The following HFM1 variants were observed in gnomAD, a reference collection of about 807,000 sequenced individuals.
HFM1 encodes probable ATP-dependent DNA helicase HFM1.
HFM1 carries 169 observed loss-of-function variants against 192.1 expected under a neutral mutation model. The observed-to-expected ratio is 0.88, with a 90% CI of 0.78 to 1.00. The LOEUF (loss-of-function observed/expected upper bound fraction) is 1.00, where lower values mean the gene tolerates loss of function less well. HFM1 is among the 50% of genes least tolerant of loss of function. The pLI is 0.00. For synonymous variants in HFM1, 525 were observed against 537.8 expected (o/e 0.98, Z 0.33); for missense variants, 1,661 against 1,668.0 (o/e 1.00, Z 0.07).
In HFM1 at chr1:91,284,250, A is replaced by T. The variant is rs549387730; in HGVS notation, c.3392-7188T>A. Reference sequence around the variant, plus strand: ...TTATTATTATTATTATATTATTATTATTTTTTTTTTGAGATAGAGTTTTGC... The same window carrying T: ...TTATTATTATTATTATATTATTATTTTTTTTTTTTTGAGATAGAGTTTTGC... On this transcript the variant is annotated intron_variant, in intron 30 of 38. Coordinates refer to ENST00000370425, the MANE Select transcript of HFM1 (RefSeq NM_001017975.6). 2.6e-3 allele frequency among the ~76,000 whole-genome samples: 379 copies of T among 148,142 alleles called. 2 individuals are homozygous for T. The highest frequency in any genetic ancestry group is 0.014 in the Middle Eastern group (4 of 286).
Position 91,315,801 on chromosome 1 carries a change from A to C in HFM1, c.3140+14T>G. Reference sequence around the variant, plus strand: ...CTTAGAAATAAGATCAAACATCAGAAATTTCACACTTACGTAATCTTGTGC... The same window carrying C: ...CTTAGAAATAAGATCAAACATCAGACATTTCACACTTACGTAATCTTGTGC... On this transcript the variant is annotated intron_variant, in intron 28 of 38. Coordinates refer to ENST00000370425, the MANE Select transcript of HFM1 (RefSeq NM_001017975.6). 3.2e-6 allele frequency: 5 copies of C among 1,575,584 alleles called. No individual in the cohort carries two copies. Among genetic ancestry groups the C allele is most frequent in the Non-Finnish European group, 4.3e-6 (5 of 1,159,208 alleles).
At chr1:91,291,292 G>T (rs894400241) in intron 30 of HFM1, among the ~76,000 whole-genome samples, 1 of 152,018 alleles carries the variant, frequency 6.6e-6, no homozygotes, top group African/African-American at 2.4e-5. Context: ...CAACAAAATT[G>T]ATAGACCGCT....
chr1:91,322,451 A>T (rs958445536), intron 23 of HFM1, among the ~76,000 whole-genome samples: 4 of 152,206 alleles, frequency 2.6e-5, no homozygotes, highest in African/African-American at 9.6e-5. Context: ...CAAACTGCTA[A>T]AAGTCACAAG....
chr1:91,321,473 TA>T (rs1652097376), intron 23 of HFM1, among the ~76,000 whole-genome samples: 2 of 150,442 alleles, frequency 1.3e-5, no homozygotes, highest in African/African-American at 4.9e-5. Flanking sequence ...ATAAAAATAA[TA>T]AAAAGGGAAG....
chr1:91,329,116 T>C (rs930760480), intron 20 of HFM1: 21 of 1,609,888 alleles, frequency 1.3e-5, no homozygotes, highest in Non-Finnish European at 1.7e-5. Flanking sequence ...AAGCGGGCTG[T>C]GGATCTAATC....
chr1:91,322,988 C>A lies in HFM1; in HGVS notation c.2544G>T (p.Met848Ile). The A allele has an allele frequency of 7.3e-7, 1 of 1,373,656 alleles. No homozygotes were observed. 85.1% of individuals were successfully genotyped at this position (1,373,656 alleles called of 1,614,324 possible). A position where few individuals can be genotyped will look rare whatever the true frequency, so the allele number is the denominator to read the frequency against. The change falls in exon 23 of 39, where the codon ATG becomes ATT. Residue 848 changes from methionine to isoleucine, a missense_variant. Met to Ile is a conservative substitution (Grantham distance 10, BLOSUM62 1). Coordinates refer to ENST00000370425, the MANE Select transcript of HFM1 (RefSeq NM_001017975.6). ...DPNRITIRFP[M>I]EGRIKTREMK... ...TTTCTCTTGTTTTAATTCTTCCTTCCATTGGAAATCTGTAAATAAAACCAC... is the reference window on the plus strand; with the variant it reads ...TTTCTCTTGTTTTAATTCTTCCTTCAATTGGAAATCTGTAAATAAAACCAC...
chr1:91,338,183 CAG>C (rs1310255546), intron 20 of HFM1, among the ~76,000 whole-genome samples: 1 of 152,164 alleles, frequency 6.6e-6, no homozygotes, highest in Non-Finnish European at 1.5e-5. Context: ...TTTAAATTGG[CAG>C]AGAGAACTGC....
chr1:91,303,196 C>G (rs779422549), intron 30 of HFM1, among the ~76,000 whole-genome samples: 17 of 152,172 alleles, frequency 1.1e-4, no homozygotes, highest in Non-Finnish European at 2.2e-4. Flanking sequence ...TGCCCTCAAC[C>G]CCTGACAACC....
intron 26 of HFM1, 100 bp from the exon 27 acceptor site, chr1:91,316,284 A>C (rs1160389342): frequency 5.9e-6 from 6 of 1,010,036 alleles, no homozygotes; most frequent in Non-Finnish European, 8.8e-6. Context: ...TTATCACCCA[A>C]AAGTAAGTTG....
intron 1 of HFM1, among the ~76,000 whole-genome samples, chr1:91,402,777 T>C (rs1270962988): frequency 1.3e-5 from 2 of 152,120 alleles, no homozygotes; most frequent in East Asian, 3.8e-4. Context: ...ACCAGTTTCA[T>C]ATGGCTTTGC....
chr1:91,305,979 T>C (rs760445710), intron 30 of HFM1, among the ~76,000 whole-genome samples: 1 of 152,192 alleles, frequency 6.6e-6, no homozygotes, highest in South Asian at 2.1e-4. Flanking sequence ...AATAGGAAAG[T>C]GTTTAATATT....
intron 4 of HFM1, among the ~76,000 whole-genome samples, chr1:91,389,734 A>C (rs960207897): frequency 6.6e-6 from 1 of 152,228 alleles, no homozygotes; most frequent in Non-Finnish European, 1.5e-5. Context: ...TAAGACAATT[A>C]GTCATTAAGA....
intron 20 of HFM1, among the ~76,000 whole-genome samples, chr1:91,339,370 G>C (rs375346379): frequency 1.3e-5 from 2 of 151,918 alleles, no homozygotes; most frequent in African/African-American, 4.8e-5. Flanking sequence ...TCAGAAAGTT[G>C]AAGTCCAATC....
At chr1:91,376,804 T>C (rs1291274434) in intron 11 of HFM1, among the ~76,000 whole-genome samples, 1 of 151,890 alleles carries the variant, frequency 6.6e-6, no homozygotes, top group African/African-American at 2.4e-5. Context: ...AGTGTTAGGA[T>C]ACAGGAAAAT....
intron 3 of HFM1, 72 bp from the exon 4 acceptor site, chr1:91,394,474 C>T: frequency 4.3e-6 from 4 of 933,244 alleles, no homozygotes; most frequent in Non-Finnish European, 6.4e-6. Context: ...TGATGAAAAA[C>T]TTTAATAAAA....
At chr1:91,277,349 A>G (rs962263478) in intron 30 of HFM1, among the ~76,000 whole-genome samples, 1 of 151,098 alleles carries the variant, frequency 6.6e-6, no homozygotes, top group Non-Finnish European at 1.5e-5. Context: ...CCTTCCAAGT[A>G]GCTGGGACTA....
intron 25 of HFM1, 43 bp downstream of exon 25, chr1:91,319,035 A>G: frequency 6.5e-7 from 1 of 1,538,082 alleles, no homozygotes; most frequent in East Asian, 2.3e-5. Flanking sequence ...TACAAAATAA[A>G]TTGCAGACAT....
chr1:91,328,256 C>G (rs748631460), intron 20 of HFM1: 1 of 633,422 alleles, frequency 1.6e-6, no homozygotes, highest in Non-Finnish European at 2.5e-6. Context: ...GAGTGTCAGG[C>G]GACCCGCAGC....
chr1:91,372,199 A>AACTAGAAAT (rs1660310080), intron 13 of HFM1, among the ~76,000 whole-genome samples: 1 of 152,222 alleles, frequency 6.6e-6, no homozygotes, highest in Non-Finnish European at 1.5e-5. Flanking sequence ...GGGGATCTAC[A>AACTAGAAAT]ACTAGAAATA....
Sources: gnomAD v4.1 joint callset for allele counts (sites outside exome capture counted in the v4.1 genomes callset) on GRCh38, gnomAD v4.1.1 for gene constraint, MANE v1.5 for transcripts, NCBI Gene and HGNC (gene_info 2026-07-23, HGNC 2026-07-21) for gene names.